The following TMEM51 variants were observed in gnomAD, a reference collection of about 807,000 sequenced individuals.
TMEM51 encodes the protein chromosome 1 open reading frame 72.
In TMEM51, 8 loss-of-function variants were observed where a neutral mutation model predicts 13.6. The observed-to-expected ratio is 0.59, with a 90% CI of 0.35 to 1.07. The LOEUF (loss-of-function observed/expected upper bound fraction) is 1.07. Among genes scored for constraint, TMEM51 ranks in the 50% least tolerant of loss-of-function variants. TMEM51 has a pLI of 0.02. For synonymous variants in TMEM51, 147 were observed against 144.4 expected (o/e 1.02, Z -0.13); for missense variants, 279 against 330.7 (o/e 0.84, Z 1.21).
At chr1:15,163,583 A>G (rs1298271520) in intron 1 of TMEM51, among the ~76,000 whole-genome samples, 1 of 145,166 alleles carries the variant, frequency 6.9e-6, no homozygotes, top group Non-Finnish European at 1.6e-5. Context: ...CTAGAAGTTT[A>G]TCCTAAGAAA....
chr1:15,188,015 G>A (rs1643838027), intron 1 of TMEM51, among the ~76,000 whole-genome samples: 1 of 152,142 alleles, frequency 6.6e-6, no homozygotes, highest in Non-Finnish European at 1.5e-5. Flanking sequence ...AGGGGGGGTA[G>A]GTTTTGTTTT....
chr1:15,195,736 C>T (rs1467028708), intron 1 of TMEM51, among the ~76,000 whole-genome samples: 1 of 152,162 alleles, frequency 6.6e-6, no homozygotes, highest in Non-Finnish European at 1.5e-5. Context: ...CCCAGGGTTG[C>T]ACACCTAGTG....
intron 1 of TMEM51, among the ~76,000 whole-genome samples, chr1:15,197,136 A>T (rs1351402760): frequency 6.6e-6 from 1 of 152,168 alleles, no homozygotes; most frequent in African/African-American, 2.4e-5. Context: ...TTTCTCAGCA[A>T]TTCCAGGGAA....
rs773199875 is a variant in TMEM51, at chr1:15,219,880, G to T, written c.*137G>T. The T allele has an allele frequency of 5.1e-6, 5 of 975,020 alleles. No individual in the cohort carries two copies. The South Asian group carries it at 8.5e-5, about 17-fold the overall frequency. 60.4% of individuals were successfully genotyped at this position (975,020 alleles called of 1,614,324 possible). Reference sequence around the variant, plus strand: ...AGCCATTTGGATGGCGGCGGGCGGGGGGGGATTCTCTGTATCAGGAGTGAC... The same window carrying T: ...AGCCATTTGGATGGCGGCGGGCGGGTGGGGATTCTCTGTATCAGGAGTGAC... On this transcript the variant is annotated 3_prime_UTR_variant, in exon 4 of 4. Coordinates refer to ENST00000376008, the MANE Select transcript of TMEM51 (RefSeq NM_001136218.2).
rs937525983 is a variant in TMEM51 at position 15,207,597 on chromosome 1, G to A, written c.-266-2893G>A. On this transcript the variant is annotated intron_variant, in intron 1 of 3. Transcript: ENST00000376008. The surrounding 1 kb of genome is among the most constrained non-coding windows in gnomAD (Gnocchi z 4.6). ...GAGCTGGGTCTACCTCCCTGGCCCC[G>A]ACTCCTCCACACCCACTGCACAGCC... Among the ~76,000 whole-genome samples the A allele has an allele frequency of 6.6e-5, 10 of 152,238 alleles. No homozygotes were observed. Among genetic ancestry groups the A allele is most frequent in the African/African-American group, 1.4e-4 (6 of 41,540 alleles).
chr1:15,205,985 C>T (rs1307417213), intron 1 of TMEM51, among the ~76,000 whole-genome samples: 3 of 152,084 alleles, frequency 2.0e-5, no homozygotes, highest in African/African-American at 4.8e-5. Flanking sequence ...CCTGGTAATC[C>T]CAGCACTTTG....
intron 1 of TMEM51, among the ~76,000 whole-genome samples, chr1:15,181,583 G>A (rs1028105762): frequency 1.3e-5 from 2 of 152,188 alleles, no homozygotes; most frequent in African/African-American, 2.4e-5. Context: ...GATGGTTACC[G>A]TCATGTCTAA....
Position 15,220,024 on chromosome 1 carries a change from C to T in TMEM51, c.*281C>T, listed in dbSNP as rs1418909652. 18 of 411,102 alleles carry T rather than the reference C, an allele frequency of 4.4e-5. No individual in the cohort carries two copies. The South Asian group carries it at 7.1e-4, about 16-fold the overall frequency. 25.5% of individuals were successfully genotyped at this position (411,102 alleles called of 1,614,324 possible). ...CACAGGCATCTTCCCATCCTTTTCA[C>T]TCCGAATCGCTGGCGACACATTCTC... is the stretch of plus-strand genomic sequence containing the variant. On this transcript the variant is annotated 3_prime_UTR_variant, in exon 4 of 4. Coordinates refer to ENST00000376008, the MANE Select transcript of TMEM51 (RefSeq NM_001136218.2).
chr1:15,164,754 C>CA (rs1642924191), intron 1 of TMEM51, among the ~76,000 whole-genome samples: 1 of 148,486 alleles, frequency 6.7e-6, no homozygotes, highest in Admixed American at 6.7e-5. Flanking sequence ...ACAGAACAGA[C>CA]AAAGAGTTGT....
At chr1:15,209,360 G>A (rs919879100) in intron 1 of TMEM51, among the ~76,000 whole-genome samples, 1 of 152,030 alleles carries the variant, frequency 6.6e-6, no homozygotes, top group Non-Finnish European at 1.5e-5. Context: ...GCCTCCCAAA[G>A]TGCTGGCATT....
chr1:15,185,120 G>A (rs539213864), intron 1 of TMEM51, among the ~76,000 whole-genome samples: 7 of 151,292 alleles, frequency 4.6e-5, no homozygotes, highest in South Asian at 4.2e-4. Flanking sequence ...GTGCGTATAC[G>A]CAGATTTCCC....
chr1:15,174,310 G>A lies in TMEM51; in HGVS notation c.-267+20356G>A, dbSNP rs540946979. On this transcript the variant is annotated intron_variant, in intron 1 of 3. Coordinates refer to ENST00000376008, the MANE Select transcript of TMEM51 (RefSeq NM_001136218.2). ...CAGGCTGGAGTACAGTGGCTTGATCGTGGCTCACTACAGCCTCCACCTCCT... is the reference window on the plus strand; with the variant it reads ...CAGGCTGGAGTACAGTGGCTTGATCATGGCTCACTACAGCCTCCACCTCCT... 1.1e-3 allele frequency among the ~76,000 whole-genome samples: 160 copies of A among 152,140 alleles called. 2 individuals carry two copies. The South Asian group carries it at 0.012, about 12-fold the overall frequency.
At chr1:15,219,188 A>G (rs1056009183) in intron 3 of TMEM51, 138 bp from the exon 4 acceptor site, 1 of 819,450 alleles carries the variant, frequency 1.2e-6, no homozygotes. Context: ...CACTTGAAGT[A>G]TTCACTTTTA....
chr1:15,154,962 T>C (rs1316657314), intron 1 of TMEM51, among the ~76,000 whole-genome samples: 1 of 152,088 alleles, frequency 6.6e-6, no homozygotes, highest in Non-Finnish European at 1.5e-5. Flanking sequence ...GGCTTTCCCC[T>C]CTAGGACCGG....
chr1:15,193,634 G>A (rs1261807271), intron 1 of TMEM51, among the ~76,000 whole-genome samples: 1 of 144,668 alleles, frequency 6.9e-6, no homozygotes, highest in Non-Finnish European at 1.5e-5. Context: ...CTGGAGTGCA[G>A]TGGCACGGTC....
At chr1:15,172,147 C>T (rs934069888) in intron 1 of TMEM51, among the ~76,000 whole-genome samples, 6 of 152,118 alleles carry the variant, frequency 3.9e-5, no homozygotes, top group African/African-American at 1.4e-4. Context: ...GAGGCTGAGG[C>T]AGGTGGATCG....
At chr1:15,213,065 C>T (rs1313399012) in intron 2 of TMEM51, among the ~76,000 whole-genome samples, 2 of 152,240 alleles carry the variant, frequency 1.3e-5, no homozygotes, top group East Asian at 1.9e-4. Context: ...AGCTAGGACA[C>T]CCTGCTGTCT....
intron 1 of TMEM51, among the ~76,000 whole-genome samples, chr1:15,183,712 G>T (rs2100242471): frequency 6.6e-6 from 1 of 152,304 alleles, no homozygotes; most frequent in South Asian, 2.1e-4. Flanking sequence ...TATGGACATA[G>T]AAACAGGCAA....
chr1:15,195,820 C>T (rs1397764760), intron 1 of TMEM51, among the ~76,000 whole-genome samples: 2 of 152,200 alleles, frequency 1.3e-5, no homozygotes, highest in East Asian at 1.9e-4. Context: ...TCCTGCCCAA[C>T]CGACTGCCCT....
Sources: gnomAD v4.1 joint callset for allele counts (sites outside exome capture counted in the v4.1 genomes callset) on GRCh38, gnomAD v4.1.1 for gene constraint, Gnocchi (gnomAD v3.1) non-coding constraint, MANE v1.5 for transcripts, NCBI Gene and HGNC (gene_info 2026-07-23, HGNC 2026-07-21) for gene names.